The following GNAO1 variants were observed in gnomAD, a reference collection of about 807,000 sequenced individuals.
GNAO1 encodes guanine nucleotide-binding protein G(o) subunit alpha.
For missense variants in GNAO1, 166 were observed against 478.7 expected, an observed-to-expected ratio of 0.35 and a Z score of 6.10; for synonymous variants, 164 against 180.7, an observed-to-expected ratio of 0.91 and a Z score of 0.74.
chr16:56,223,628 C>T (rs954257363), intron 2 of GNAO1, among the ~76,000 whole-genome samples: 1 of 152,140 alleles, frequency 6.6e-6, no homozygotes, highest in African/African-American at 2.4e-5. Context: ...ATTTGCTTGA[C>T]TTCTTGGTTT....
intron 8 of GNAO1, 183 bp from the exon 9 acceptor site, chr16:56,355,920 G>C (rs534628868): frequency 3.9e-5 from 6 of 152,420 alleles, no homozygotes; most frequent in South Asian, 2.1e-4. Flanking sequence ...GGTCTCAGGG[G>C]GGGGCCAGGC....
intron 3 of GNAO1, among the ~76,000 whole-genome samples, chr16:56,317,404 C>G (rs903641934): frequency 1.3e-5 from 2 of 152,138 alleles, no homozygotes; most frequent in Non-Finnish European, 2.9e-5. Context: ...ATGTTAAAGT[C>G]CTTAAGGCCC....
At chr16:56,273,363 T>G (rs2037034878) in intron 2 of GNAO1, among the ~76,000 whole-genome samples, 1 of 152,220 alleles carries the variant, frequency 6.6e-6, no homozygotes, top group Non-Finnish European at 1.5e-5. Context: ...CATCAGTTGA[T>G]ATTCCCTTTT....
chr16:56,276,543 TC>T (rs1192872843), intron 3 of GNAO1: 2 of 154,700 alleles, frequency 1.3e-5, no homozygotes, highest in East Asian at 3.8e-4. Context: ...GTTTTCTGCC[TC>T]CCCTGGGTAA....
At chr16:56,227,100 T>A in intron 2 of GNAO1, among the ~76,000 whole-genome samples, 1 of 151,492 alleles carries the variant, frequency 6.6e-6, no homozygotes, top group African/African-American at 2.4e-5. Flanking sequence ...GAGGGGAAAC[T>A]GTTTGTTTCA....
At chr16:56,226,804 C>T (rs752623886) in intron 2 of GNAO1, among the ~76,000 whole-genome samples, 13 of 152,190 alleles carry the variant, frequency 8.5e-5, no homozygotes, top group Non-Finnish European at 1.8e-4. Flanking sequence ...AGAAACTTAA[C>T]CAAGGTTGTA....
intron 6 of GNAO1, chr16:56,347,333 G>T (rs1319208065): frequency 1.0e-6 from 1 of 985,544 alleles, no homozygotes; most frequent in Non-Finnish European, 1.2e-6. Context: ...TCACCCCCAG[G>T]CAGTTCCTGC....
intron 2 of GNAO1, among the ~76,000 whole-genome samples, chr16:56,205,972 A>C (rs1157765696): frequency 6.6e-6 from 1 of 152,154 alleles, no homozygotes; most frequent in Non-Finnish European, 1.5e-5. Context: ...AGCAGAAAGA[A>C]GGCCAGTGGA....
rs143575279 is a variant in GNAO1, at chr16:56,305,345, A to G, written c.304-23286A>G. The stretch of plus-strand genomic sequence containing the variant: ...CAAACCTGTCTAATTACACCTTGCA[A>G]TAAGTGCTGTTAAAGAAAAGAAAAT... On this transcript the variant is annotated intron_variant, in intron 3 of 8. Transcript: ENST00000262493. 5.3e-5 allele frequency among the ~76,000 whole-genome samples: 8 copies of G among 152,352 alleles called. No individual in the cohort carries two copies. In the East Asian group the frequency reaches 7.7e-4, roughly 15 times the overall value.
At chr16:56,319,508 G>A (rs1204051892) in intron 3 of GNAO1, among the ~76,000 whole-genome samples, 1 of 152,266 alleles carries the variant, frequency 6.6e-6, no homozygotes, top group East Asian at 1.9e-4. Flanking sequence ...TATCTCCAGG[G>A]ACCAGCTGGC....
chr16:56,294,660 A>G (rs1301756711), intron 3 of GNAO1, among the ~76,000 whole-genome samples: 2 of 152,130 alleles, frequency 1.3e-5, no homozygotes, highest in African/African-American at 4.8e-5. Flanking sequence ...TCACGTTGGG[A>G]GGGTATGTTA....
chr16:56,310,148 C>CA (rs1205680911), intron 3 of GNAO1, among the ~76,000 whole-genome samples: 26 of 147,910 alleles, frequency 1.8e-4, no homozygotes, highest in Admixed American at 4.0e-4. Context: ...TTCTAAAAAA[C>CA]AAAAAAAAGA....
chr16:56,297,004 T>C (rs2037293640), intron 3 of GNAO1, among the ~76,000 whole-genome samples: 1 of 152,174 alleles, frequency 6.6e-6, no homozygotes, highest in African/African-American at 2.4e-5. Flanking sequence ...CTTTGGGTGT[T>C]AAAGGTTTTT....
intron 2 of GNAO1, among the ~76,000 whole-genome samples, chr16:56,261,105 A>G (rs1431229486): frequency 1.3e-5 from 2 of 152,206 alleles, no homozygotes; most frequent in Non-Finnish European, 2.9e-5. Context: ...CTGCCGTTTC[A>G]TTTGAGGAGA....
Position 56,235,001 on chromosome 16 carries a change from C to T in GNAO1, c.162-40930C>T, listed in dbSNP as rs1460361841. 4 of 258,722 alleles carry T rather than the reference C, an allele frequency of 1.5e-5. No homozygotes were observed. The East Asian group carries it at 3.8e-4, about 24-fold the overall frequency. 16.0% of individuals were successfully genotyped at this position (258,722 alleles called of 1,614,324 possible). ...CTGTGAAAATGCTGTTTATGTCTTT[C>T]TTACCCCACAGCCCCTCGGGGAGTT... On this transcript the variant is annotated intron_variant, in intron 2 of 8. Transcript: ENST00000262493.
chr16:56,211,477 A>G (rs1335699949), intron 2 of GNAO1, among the ~76,000 whole-genome samples: 2 of 152,072 alleles, frequency 1.3e-5, no homozygotes, highest in African/African-American at 2.4e-5. Flanking sequence ...GGCTGCCTCT[A>G]TTAAGGCTCT....
chr16:56,299,189 T>A (rs952979847), intron 3 of GNAO1, among the ~76,000 whole-genome samples: 3 of 152,198 alleles, frequency 2.0e-5, no homozygotes, highest in African/African-American at 7.2e-5. Flanking sequence ...AGGCAAGGCT[T>A]GGGGCTGCCA....
At chr16:56,243,524 C>T (rs776630660) in intron 2 of GNAO1, among the ~76,000 whole-genome samples, 1 of 152,112 alleles carries the variant, frequency 6.6e-6, no homozygotes. Flanking sequence ...AATACACACG[C>T]CTCCAAAGAC....
chr16:56,303,655 G>T (rs1388185557), intron 3 of GNAO1, among the ~76,000 whole-genome samples: 2 of 152,152 alleles, frequency 1.3e-5, no homozygotes, highest in East Asian at 3.9e-4. Flanking sequence ...AAAGCATGAT[G>T]GCTGACAGCG....
Sources: gnomAD v4.1 joint callset for allele counts (sites outside exome capture counted in the v4.1 genomes callset) on GRCh38, gnomAD v4.1.1 for gene constraint, MANE v1.5 for transcripts, NCBI Gene and HGNC (gene_info 2026-07-23, HGNC 2026-07-21) for gene names.